The following NFE2L1 variants were observed in gnomAD, a reference collection of about 807,000 sequenced individuals.
NFE2L1 encodes the protein NFE2 like bZIP transcription factor 1, also known as endoplasmic reticulum membrane sensor NFE2L1.
NFE2L1 carries 18 observed loss-of-function variants against 61.6 expected under a neutral mutation model. The ratio of observed to expected loss-of-function variants is 0.29; its 90% CI spans 0.20 to 0.43. The LOEUF is 0.43. NFE2L1 is among the 20% of genes least tolerant of loss of function. NFE2L1 has a pLI of 1.00. For missense variants in NFE2L1, 827 were observed against 973.5 expected, an observed-to-expected ratio of 0.85 and a Z score of 2.00; for synonymous variants, 419 against 402.7, an observed-to-expected ratio of 1.04 and a Z score of -0.48.
chr17:48,054,418 A>T, intron 2 of NFE2L1: 1 of 247,552 alleles, frequency 4.0e-6, no homozygotes, highest in Non-Finnish European at 7.4e-6. Context: ...GTCTGCAGCT[A>T]GGTAACAGGC....
rs1007244219 is a variant in NFE2L1, at chr17:48,051,484, C to T, written c.366C>T (p.Leu122=). ...CTGGCAGTCAGCCCAACTCAGGCCT[C>T]GCCCTCGAGAGTTCCAGTGGCCTCC... ...SVSGSQPNSG[L]ALESSSGLQD... The change falls in exon 2 of 6, where the codon CTC becomes CTT. Residue 122 remains leucine (L), a synonymous_variant. Transcript: ENST00000362042. 11 of 1,613,974 alleles carry T rather than the reference C, an allele frequency of 6.8e-6. No individual in the cohort carries two copies. Among genetic ancestry groups the T allele is most frequent in the African/African-American group, 6.7e-5 (5 of 74,886 alleles).
At position 48,054,776 on chromosome 17, in the gene NFE2L1, G is replaced by T. The variant is rs544611960; in HGVS notation, c.511-1610G>T. On this transcript the variant is annotated intron_variant, in intron 2 of 5. Coordinates refer to ENST00000362042, the MANE Select transcript of NFE2L1 (RefSeq NM_003204.3). ...CAGCCTCTGCGGTGAGCTCAGGGTG[G>T]GGGCAGCTGGGCGCCTGAGTGGAAC... 5 of 1,318,172 alleles carry T rather than the reference G, an allele frequency of 3.8e-6. No individual in the cohort carries two copies. In the African/African-American group the frequency reaches 7.7e-5, roughly 20 times the overall value. The allele number at this position is 1,318,172 out of a possible 1,614,324, so 81.7% of individuals were successfully genotyped here. A position where few individuals can be genotyped will look rare whatever the true frequency, so the allele number is the denominator to read the frequency against.
In NFE2L1 at chr17:48,050,626, T is replaced by A; in HGVS notation, c.-493T>A. 1 of 411,980 alleles carries A rather than the reference T, an allele frequency of 2.4e-6. No homozygotes were observed. The highest frequency in any genetic ancestry group is 3.9e-5 in the Admixed American group (1 of 25,370). 25.5% of individuals were successfully genotyped at this position (411,980 alleles called of 1,614,324 possible). A position where few individuals can be genotyped will look rare whatever the true frequency, so the allele number is the denominator to read the frequency against. ...TTTCAGGTTTCTCTGGAAACCCCCC[T>A]GGTAAGTGTGGAGGAGGCGGGACAC... is the stretch of plus-strand genomic sequence containing the variant. On this transcript the variant is annotated 5_prime_UTR_variant, in exon 2 of 6. Transcript: ENST00000362042.
In NFE2L1 at chr17:48,051,171, T is replaced by G; in HGVS notation, c.53T>G (p.Leu18Arg). 2 of 1,614,222 alleles carry G rather than the reference T, an allele frequency of 1.2e-6. No individual in the cohort carries two copies. Among genetic ancestry groups the G allele is most frequent in the Non-Finnish European group, 1.7e-6 (2 of 1,180,032 alleles). The change falls in exon 2 of 6, where the codon CTG becomes CGG. Residue 18 changes from leucine to arginine, a missense_variant. Leu to Arg is a moderately radical substitution (Grantham distance 102, BLOSUM62 -2). This residue lies in a region of NFE2L1 where 667 missense variants were observed against 748.4 expected (regional missense o/e 0.89). Coordinates refer to ENST00000362042, the MANE Select transcript of NFE2L1 (RefSeq NM_003204.3). ...GAAGGACTTCTCCAGTTCACCATTC[T>G]GCTGAGTTTGATTGGGGTACGGGTG... ...LTEGLLQFTILLSLIGVRVDV... is the reference protein window; with the variant it reads ...LTEGLLQFTIRLSLIGVRVDV...
chr17:48,052,759 G>A (rs2037286753), intron 2 of NFE2L1, among the ~76,000 whole-genome samples: 1 of 152,158 alleles, frequency 6.6e-6, no homozygotes, highest in South Asian at 2.1e-4. Flanking sequence ...TCTTGGGGCG[G>A]GGTTGCTACT....
chr17:48,057,085 G>T lies in NFE2L1; in HGVS notation c.777G>T (p.Leu259=). Residue 259 remains leucine, a synonymous_variant, in exon 4 of 6, where the codon CTG becomes CTT. Coordinates refer to ENST00000362042, the MANE Select transcript of NFE2L1 (RefSeq NM_003204.3). Reference sequence around the variant, plus strand: ...TGTCCCTGGAAGAGTGCCTTAGGCTGCTGGAAGCCACCTGCCCCTTTGGGG... The same window carrying T: ...TGTCCCTGGAAGAGTGCCTTAGGCTTCTGGAAGCCACCTGCCCCTTTGGGG... ...TALSLEECLR[L]LEATCPFGEN... The T allele has an allele frequency of 6.2e-7, 1 of 1,613,208 alleles. No homozygotes were observed. The highest frequency in any genetic ancestry group is 8.5e-7 in the Non-Finnish European group (1 of 1,179,774).
chr17:48,048,822 G>A (rs2037159377), intron 1 of NFE2L1: 1 of 152,768 alleles, frequency 6.5e-6, no homozygotes, highest in Admixed American at 6.5e-5. Context: ...AGAAGCTCCG[G>A]CGCCGAGAGT....
chr17:48,049,559 AT>A (rs1187309522), intron 1 of NFE2L1, among the ~76,000 whole-genome samples: 40 of 152,012 alleles, frequency 2.6e-4, no homozygotes, highest in African/African-American at 9.7e-4. Context: ...CGCCCGGCTA[AT>A]TTTTGTATTT....
At chr17:48,052,772 C>A (rs1439445074) in intron 2 of NFE2L1, among the ~76,000 whole-genome samples, 1 of 152,114 alleles carries the variant, frequency 6.6e-6, no homozygotes, top group African/African-American at 2.4e-5. Flanking sequence ...TTGCTACTGG[C>A]ACCTAGTGGG....
At position 48,052,136 on chromosome 17, in the gene NFE2L1, T is replaced by C. The variant is rs188850592; in HGVS notation, c.510+508T>C. 6.6e-4 allele frequency among the ~76,000 whole-genome samples: 101 copies of C among 152,292 alleles called. No individual in the cohort carries two copies. The East Asian group carries it at 0.018, about 27-fold the overall frequency. ...GCCAAAGGGTAGATTTGGATAGTTA[T>C]TCTTGGCCAGGAGAGGGCCAAGGCT... is the stretch of plus-strand genomic sequence containing the variant. On this transcript the variant is annotated intron_variant, in intron 2 of 5. Transcript: ENST00000362042.
At chr17:48,049,776 T>C (rs756570227) in intron 1 of NFE2L1, among the ~76,000 whole-genome samples, 6 of 152,216 alleles carry the variant, frequency 3.9e-5, no homozygotes, top group Non-Finnish European at 8.8e-5. Context: ...CTGGGTGAAG[T>C]GGTGGCCTGA....
In NFE2L1 at chr17:48,059,867, C is replaced by T. The variant is rs1330191570; in HGVS notation, c.*226C>T. The T allele has an allele frequency of 8.6e-6, 5 of 582,644 alleles. No homozygotes were observed. Among genetic ancestry groups the T allele is most frequent in the South Asian group, 3.0e-5 (1 of 33,204 alleles). 36.1% of individuals were successfully genotyped at this position (582,644 alleles called of 1,614,324 possible). On this transcript the variant is annotated 3_prime_UTR_variant, in exon 6 of 6. Coordinates refer to ENST00000362042, the MANE Select transcript of NFE2L1 (RefSeq NM_003204.3). This position sits in a 1 kb window ranked among gnomAD's most constrained non-coding sequence, Gnocchi z 6.1. ...CCAGACCATTTAGACGGACAGGGTCCTCACCCTACCCCTTTCCTGTGAGGC... is the reference window on the plus strand; with the variant it reads ...CCAGACCATTTAGACGGACAGGGTCTTCACCCTACCCCTTTCCTGTGAGGC...
chr17:48,056,100 T>C (rs575118868), intron 2 of NFE2L1: 8 of 378,922 alleles, frequency 2.1e-5, no homozygotes, highest in Admixed American at 1.7e-4. Context: ...GCCTTTTGTC[T>C]GGGTGTGTCT....
At position 48,059,059 on chromosome 17, in the gene NFE2L1, G is replaced by C; in HGVS notation, c.1737G>C (p.Met579Ile). The C allele has an allele frequency of 6.2e-7, 1 of 1,613,992 alleles. No individual in the cohort carries two copies. Among genetic ancestry groups the C allele is most frequent in the East Asian group, 2.2e-5 (1 of 44,880 alleles). ...TGGGCCACAACCACACATACAACAT[G>C]GCACCCAGTGCCCTGGACTCAGCCG... is the stretch of plus-strand genomic sequence containing the variant. ...EHVGHNHTYN[M>I]APSALDSADL... The change falls in exon 6 of 6, where the codon ATG becomes ATC. Residue 579 changes from methionine to isoleucine, a missense_variant. Around this residue, in one of 3 missense-constraint regions of NFE2L1, gnomAD observed 667 missense variants for 748.4 expected, o/e 0.89. Coordinates refer to ENST00000362042, the MANE Select transcript of NFE2L1 (RefSeq NM_003204.3). The surrounding 1 kb of genome is among the most constrained non-coding windows in gnomAD (Gnocchi z 6.1).
chr17:48,054,891 CTCA>C (rs2037354535), intron 2 of NFE2L1: 1 of 1,379,332 alleles, frequency 7.2e-7, no homozygotes, highest in Admixed American at 3.3e-5. Context: ...GGGCACCCTC[CTCA>C]GGCCCCTCGG....
At chr17:48,048,990 A>G (rs992794229) in intron 1 of NFE2L1, 6 of 152,554 alleles carry the variant, frequency 3.9e-5, no homozygotes, top group African/African-American at 1.4e-4. Flanking sequence ...ATTGCGTGAG[A>G]ACGGGAGGGT....
chr17:48,053,706 G>C (rs2037313949), intron 2 of NFE2L1, among the ~76,000 whole-genome samples: 1 of 152,332 alleles, frequency 6.6e-6, no homozygotes, highest in South Asian at 2.1e-4. Context: ...TGGGGAGGGA[G>C]CTAAATTTCC....
Position 48,058,402 on chromosome 17 carries a change from T to C in NFE2L1, c.1080T>C (p.Asn360=), listed in dbSNP as rs1294713147. 1.2e-6 allele frequency: 2 copies of C among 1,614,072 alleles called. No homozygotes were observed. The highest frequency in any genetic ancestry group is 1.3e-5 in the African/African-American group (1 of 74,916). Residue 360 remains asparagine (N), a synonymous_variant, in exon 6 of 6, where the codon AAT becomes AAC. Transcript: ENST00000362042. ...CCCCCAACACTCCCATCAATCAGAATGTCAGCCTGCATCAGGCGTCCCTGG... is the reference window on the plus strand; with the variant it reads ...CCCCCAACACTCCCATCAATCAGAACGTCAGCCTGCATCAGGCGTCCCTGG... ...SLAPNTPINQ[N]VSLHQASLGG...
chr17:48,057,641 C>A, intron 5 of NFE2L1, 139 bp downstream of exon 5: 1 of 1,142,498 alleles, frequency 8.8e-7, no homozygotes, highest in Non-Finnish European at 1.2e-6. Context: ...TGAGAAGAAA[C>A]CTGTCCAGGT....
Sources: allele counts gnomAD v4.1 joint callset (sites outside exome capture counted in the v4.1 genomes callset), GRCh38; gene constraint gnomAD v4.1.1; regional missense constraint gnomAD v4.1.1; non-coding constraint Gnocchi (gnomAD v3.1); transcripts MANE v1.5; gene names NCBI Gene and HGNC (gene_info 2026-07-23, HGNC 2026-07-21).